The following PDE1C variants were observed in gnomAD, a reference collection of about 807,000 sequenced individuals.
PDE1C encodes phosphodiesterase 1C.
A neutral mutation model predicts 93.1 loss-of-function variants in PDE1C; 62 were observed. The observed-to-expected ratio is 0.67, with a 90% CI of 0.54 to 0.82. The LOEUF (loss-of-function observed/expected upper bound fraction) is 0.82. PDE1C is among the 40% of genes least tolerant of loss of function. PDE1C has a pLI of 0.00. For synonymous variants in PDE1C, 325 were observed against 310.1 expected, an observed-to-expected ratio of 1.05 and a Z score of -0.50; for missense variants, 742 against 884.6, an observed-to-expected ratio of 0.84 and a Z score of 2.04.
At chr7:32,132,422 G>C (rs1799970181) in intron 3 of PDE1C, among the ~76,000 whole-genome samples, 1 of 152,128 alleles carries the variant, frequency 6.6e-6, no homozygotes. Flanking sequence ...CCAACACTTT[G>C]GGAGGCCAAG....
At chr7:32,051,516 A>G (rs1471345237) in intron 2 of PDE1C, 38 bp downstream of exon 2, 1 of 1,607,376 alleles carries the variant, frequency 6.2e-7, no homozygotes, top group Admixed American at 1.7e-5. Context: ...TGGGCCACAA[A>G]TGAATCAACC....
At chr7:31,886,686 T>C (rs903702923) in intron 2 of PDE1C, among the ~76,000 whole-genome samples, 1 of 149,104 alleles carries the variant, frequency 6.7e-6, no homozygotes, top group Non-Finnish European at 1.5e-5. Flanking sequence ...GAAGGCCACG[T>C]AGGGGTCAGC....
chr7:31,637,904 A>G, the PDE1C span, among the ~76,000 whole-genome samples: 7 of 152,190 alleles, frequency 4.6e-5, no homozygotes, highest in African/African-American at 9.6e-5. Flanking sequence ...ATCTTGAATT[A>G]ATTTTTGTAT....
intron 2 of PDE1C, among the ~76,000 whole-genome samples, chr7:32,013,423 A>G (rs1284957514): frequency 2.0e-5 from 3 of 152,206 alleles, no homozygotes; most frequent in Non-Finnish European, 4.4e-5. Context: ...TTGCCACAAG[A>G]ATACACTGAA....
chr7:32,254,507 G>A (rs1223649120), intron 1 of PDE1C, among the ~76,000 whole-genome samples: 4 of 152,146 alleles, frequency 2.6e-5, no homozygotes, highest in Non-Finnish European at 5.9e-5. Flanking sequence ...CAGAAAGCCC[G>A]ATATCTTCCT....
At position 32,194,598 on chromosome 7, in the gene PDE1C, G is replaced by A. The variant is rs184956938; in HGVS notation, c.136+14891C>T. On this transcript the variant is annotated intron_variant, in intron 2 of 18. Coordinates refer to the PDE1C transcript ENST00000396193. ...CATTCTGAAGCCTACATTATCTGAT[G>A]TTAATATAGCCACTACAGGTTTCCT... 4.1e-3 allele frequency among the ~76,000 whole-genome samples: 625 copies of A among 152,208 alleles called. 5 individuals carry two copies. Among genetic ancestry groups the A allele is most frequent in the African/African-American group, 0.015 (608 of 41,518 alleles).
chr7:31,869,131 T>C (rs749559066), intron 6 of PDE1C, among the ~76,000 whole-genome samples: 14 of 151,618 alleles, frequency 9.2e-5, no homozygotes, highest in Non-Finnish European at 2.1e-4. Flanking sequence ...AATACACAAA[T>C]GAGGAAGAGA....
chr7:31,924,645 G>A (rs1379028517), intron 2 of PDE1C, among the ~76,000 whole-genome samples: 1 of 152,144 alleles, frequency 6.6e-6, no homozygotes, highest in African/African-American at 2.4e-5. Context: ...GGGAACCCCC[G>A]AGTTTATATA....
intron 2 of PDE1C, among the ~76,000 whole-genome samples, chr7:31,999,569 T>G (rs1785188751): frequency 6.6e-6 from 1 of 152,148 alleles, no homozygotes; most frequent in Admixed American, 6.5e-5. Flanking sequence ...ATAAGCCTCA[T>G]ATGACATTGA....
chr7:31,826,915 G>C (rs1272404529), intron 12 of PDE1C, among the ~76,000 whole-genome samples: 1 of 152,118 alleles, frequency 6.6e-6, no homozygotes, highest in African/African-American at 2.4e-5. Context: ...TGCCACTAAA[G>C]TGCTAAAGCA....
intron 3 of PDE1C, among the ~76,000 whole-genome samples, chr7:32,137,928 T>C (rs971656140): frequency 6.6e-6 from 1 of 152,216 alleles, no homozygotes; most frequent in Non-Finnish European, 1.5e-5. Flanking sequence ...GTGTCATAAT[T>C]TAGCATACCT....
At chr7:31,907,865 T>G (rs1315985592) in intron 2 of PDE1C, among the ~76,000 whole-genome samples, 1 of 151,574 alleles carries the variant, frequency 6.6e-6, no homozygotes, top group Admixed American at 6.6e-5. Context: ...TGGAAAGAGG[T>G]GAAAATTACT....
Position 32,000,456 on chromosome 7 carries a change from C to T in PDE1C, c.128+51098G>A, listed in dbSNP as rs138352212. On this transcript the variant is annotated intron_variant, in intron 2 of 17. Transcript: ENST00000396191. ...AGGCTGGTGGGGTAGAAGGCATAGG[C>T]GTGGAGCAAAGGGAGAAATCACAGA... Among the ~76,000 whole-genome samples the T allele has an allele frequency of 4.2e-3, 632 of 152,172 alleles. 3 individuals carry two copies. Among genetic ancestry groups the T allele is most frequent in the African/African-American group, 0.014 (581 of 41,506 alleles).
At chr7:31,797,190 TC>T (rs1374357161) in intron 16 of PDE1C, among the ~76,000 whole-genome samples, 1 of 151,762 alleles carries the variant, frequency 6.6e-6, no homozygotes, top group Admixed American at 6.6e-5. Flanking sequence ...GAATTTGTGT[TC>T]TTATGACGAC....
At chr7:32,160,525 C>T (rs1222088002) in intron 3 of PDE1C, among the ~76,000 whole-genome samples, 1 of 152,122 alleles carries the variant, frequency 6.6e-6, no homozygotes, top group Non-Finnish European at 1.5e-5. Context: ...CTCCAATAAG[C>T]CAAGTCAAGA....
Position 32,198,977 on chromosome 7 carries a change from G to A in PDE1C, c.136+10512C>T, listed in dbSNP as rs185122161. The stretch of plus-strand genomic sequence containing the variant: ...ACTGAAAAAAAAAATACAACAATTC[G>A]CCGGGCATGGTGGCGCATGCCTGTA... On this transcript the variant is annotated intron_variant, in intron 2 of 18. Coordinates refer to the PDE1C transcript ENST00000396193. Among the ~76,000 whole-genome samples the A allele has an allele frequency of 3.6e-4, 55 of 151,998 alleles. 2 individuals carry two copies. The East Asian group carries it at 3.9e-3, about 11-fold the overall frequency.
chr7:31,960,994 G>A (rs1282832410), intron 2 of PDE1C, among the ~76,000 whole-genome samples: 1 of 151,922 alleles, frequency 6.6e-6, no homozygotes, highest in Admixed American at 6.6e-5. Context: ...TCTCAATTTG[G>A]CCTAACAAAT....
intron 1 of PDE1C, among the ~76,000 whole-genome samples, chr7:32,287,829 A>T (rs1049149985): frequency 2.0e-5 from 3 of 152,208 alleles, no homozygotes; most frequent in African/African-American, 7.2e-5. Context: ...TAATTAGATG[A>T]CGTGAGGGTA....
Position 31,848,009 on chromosome 7 carries a change from C to T in PDE1C, c.939G>A (p.Glu313=). The change falls in exon 9 of 18, where the codon GAG becomes GAA. Residue 313 remains glutamate, a synonymous_variant. Transcript: ENST00000396191. ...SAAYRLLQDD[E]EMNILINLSK... is the part of the protein sequence containing the mutation. The stretch of plus-strand genomic sequence containing the variant: ...AGAGGTTAATCAAAATATTCATTTC[C>T]TCGTCATCTTGCAGAAGGCGATAAG... 1 of 1,612,994 alleles carries T rather than the reference C, an allele frequency of 6.2e-7. No homozygotes were observed. The highest frequency in any genetic ancestry group is 2.2e-5 in the East Asian group (1 of 44,814).
Sources: gnomAD v4.1 joint callset for allele counts (sites outside exome capture counted in the v4.1 genomes callset) on GRCh38, gnomAD v4.1.1 for gene constraint, MANE v1.5 for transcripts, NCBI Gene and HGNC (gene_info 2026-07-23, HGNC 2026-07-21) for gene names.